The following CCDC91 variants were observed in gnomAD, a reference collection of about 807,000 sequenced individuals.
CCDC91 encodes coiled-coil domain-containing protein 91.
A neutral mutation model predicts 63.2 loss-of-function variants in CCDC91; 48 were observed. The ratio of observed to expected loss-of-function variants is 0.76; its 90% CI spans 0.60 to 0.97. CCDC91 has a LOEUF of 0.97. Ranked by LOEUF, CCDC91 falls within the 50% of genes least tolerant of loss-of-function variation. CCDC91 has a pLI of 0.00. For missense variants in CCDC91, 500 were observed against 494.6 expected (o/e 1.01, Z -0.10); for synonymous variants, 167 against 165.8 (o/e 1.01, Z -0.06).
chr12:28,383,898 ATGTGTGTATT>A lies in CCDC91; in HGVS notation c.655-7396_655-7387del, dbSNP rs1945445451. 2.0e-5 allele frequency among the ~76,000 whole-genome samples: 3 copies of A among 152,140 alleles called. No individual in the cohort carries two copies. The South Asian group carries it at 6.2e-4, about 31-fold the overall frequency. On this transcript the variant is annotated intron_variant, in intron 7 of 12. Coordinates refer to ENST00000536442, the MANE Select transcript of CCDC91 (RefSeq NM_018318.5). ...TGAAGCTCTTTTAAAATACATGGCTATGTGTGTATTTGTGTGTATGCATAATTAAATCAAG... is the reference window on the plus strand; with the variant it reads ...TGAAGCTCTTTTAAAATACATGGCTATGTGTGTATGCATAATTAAATCAAG...
intron 8 of CCDC91, among the ~76,000 whole-genome samples, chr12:28,396,666 G>A (rs1038982070): frequency 4.0e-5 from 6 of 151,120 alleles, no homozygotes; most frequent in Non-Finnish European, 3.0e-5. Context: ...GTGTGTGTGT[G>A]TGTGTGTGTG....
At chr12:28,208,984 T>C (rs553686184) in intron 1 of CCDC91, among the ~76,000 whole-genome samples, 1 of 151,940 alleles carries the variant, frequency 6.6e-6, no homozygotes, top group East Asian at 1.9e-4. Context: ...TTTTTTGTAT[T>C]TTTAGTAGAG....
chr12:28,536,721 C>CTT lies in CCDC91; in HGVS notation c.1216-12339_1216-12338dup, dbSNP rs1565540105. On this transcript the variant is annotated intron_variant, in intron 12 of 12. Coordinates refer to ENST00000536442, the MANE Select transcript of CCDC91 (RefSeq NM_018318.5). ...ATAAGAAGTTTACTTTCAGCATTAACTTTTAATGCTTTTATTATCATTGGG... is the reference window on the plus strand; with the variant it reads ...ATAAGAAGTTTACTTTCAGCATTAACTTTTTTAATGCTTTTATTATCATTGGG... Among the ~76,000 whole-genome samples the CTT allele has an allele frequency of 1.3e-4, 20 of 152,240 alleles. 2 individuals are homozygous for CTT. The South Asian group carries it at 3.9e-3, about 30-fold the overall frequency.
At chr12:28,358,589 T>C (rs1943669350) in intron 6 of CCDC91, among the ~76,000 whole-genome samples, 1 of 152,212 alleles carries the variant, frequency 6.6e-6, no homozygotes, top group African/African-American at 2.4e-5. Flanking sequence ...TTCCTCACTT[T>C]AATAAGTGCC....
Position 28,285,718 on chromosome 12 carries a change from C to A in CCDC91, c.110-19931C>A, listed in dbSNP as rs557378869. Reference sequence around the variant, plus strand: ...TTATTTAAGTTTCTATGGCTGATTTCCCAATCTTTCTGATTGATCTTATTA... The same window carrying A: ...TTATTTAAGTTTCTATGGCTGATTTACCAATCTTTCTGATTGATCTTATTA... On this transcript the variant is annotated intron_variant, in intron 3 of 12. Coordinates refer to ENST00000536442, the MANE Select transcript of CCDC91 (RefSeq NM_018318.5). Among the ~76,000 whole-genome samples the A allele has an allele frequency of 1.2e-3, 155 of 130,850 alleles. 2 individuals carry two copies. The highest frequency in any genetic ancestry group is 3.8e-3 in the African/African-American group (140 of 37,248). 85.8% of individuals were successfully genotyped at this position (130,850 alleles called of 152,430 possible). A position where few individuals can be genotyped will look rare whatever the true frequency, so the allele number is the denominator to read the frequency against.
chr12:28,543,949 C>T (rs1378557140), intron 12 of CCDC91, among the ~76,000 whole-genome samples: 1 of 151,968 alleles, frequency 6.6e-6, no homozygotes, highest in Non-Finnish European at 1.5e-5. Flanking sequence ...GTTCTTAAGC[C>T]ACCATTGCCA....
chr12:28,269,008 C>T (rs1450421811), intron 3 of CCDC91, among the ~76,000 whole-genome samples: 1 of 152,076 alleles, frequency 6.6e-6, no homozygotes. Context: ...GGTTGAGGGA[C>T]CCACAGGAAC....
At chr12:28,514,047 A>G (rs1406217278) in intron 12 of CCDC91, among the ~76,000 whole-genome samples, 3 of 151,984 alleles carry the variant, frequency 2.0e-5, no homozygotes, top group African/African-American at 7.2e-5. Flanking sequence ...ACTTCTTTCC[A>G]CAATGGTTGA....
intron 7 of CCDC91, among the ~76,000 whole-genome samples, chr12:28,381,871 C>T (rs960503974): frequency 1.3e-5 from 2 of 152,110 alleles, no homozygotes; most frequent in Non-Finnish European, 2.9e-5. Context: ...GAGGCTTCTT[C>T]TCAACTCACA....
intron 3 of CCDC91, among the ~76,000 whole-genome samples, chr12:28,292,803 C>G (rs982746704): frequency 2.6e-5 from 4 of 152,050 alleles, no homozygotes; most frequent in Non-Finnish European, 5.9e-5. Context: ...TTGGGTAGTA[C>G]CCAATGCTTC....
chr12:28,323,655 A>G (rs1354530857), intron 6 of CCDC91, among the ~76,000 whole-genome samples: 2 of 151,966 alleles, frequency 1.3e-5, no homozygotes, highest in African/African-American at 4.8e-5. Flanking sequence ...CGATTTTGAT[A>G]GAAATTTTGT....
At chr12:28,289,222 G>C (rs1949075060) in intron 3 of CCDC91, among the ~76,000 whole-genome samples, 2 of 151,740 alleles carry the variant, frequency 1.3e-5, no homozygotes, top group Non-Finnish European at 2.9e-5. Context: ...TCTTCTGCTA[G>C]CTTGGGGGTG....
At chr12:28,548,795 C>A (rs1943153581) in intron 12 of CCDC91, among the ~76,000 whole-genome samples, 1 of 152,012 alleles carries the variant, frequency 6.6e-6, no homozygotes, top group African/African-American at 2.4e-5. Flanking sequence ...TTTATGTTTT[C>A]TGAAATCATT....
intron 3 of CCDC91, among the ~76,000 whole-genome samples, chr12:28,304,189 C>T (rs755786944): frequency 6.6e-6 from 1 of 151,108 alleles, no homozygotes; most frequent in Non-Finnish European, 1.5e-5. Context: ...CTATCCTGGC[C>T]AACATGGTGA....
chr12:28,341,884 G>A (rs1352078254), intron 6 of CCDC91, among the ~76,000 whole-genome samples: 1 of 152,170 alleles, frequency 6.6e-6, no homozygotes, highest in Non-Finnish European at 1.5e-5. Context: ...TCAGGACTAA[G>A]AAAAGACTGT....
At position 28,454,685 on chromosome 12, in the gene CCDC91, G is replaced by A. The variant is rs1436508935; in HGVS notation, c.1101+2031G>A. On this transcript the variant is annotated intron_variant, in intron 11 of 12. Transcript: ENST00000536442. ...CGGCTCTGAGATAGGTAAGACAGAAGCGAGTAACCTGGGCAGTTTCTAGAA... is the reference window on the plus strand; with the variant it reads ...CGGCTCTGAGATAGGTAAGACAGAAACGAGTAACCTGGGCAGTTTCTAGAA... Among the ~76,000 whole-genome samples the A allele has an allele frequency of 3.3e-5, 5 of 152,116 alleles. No homozygotes were observed. In the East Asian group the frequency reaches 7.7e-4, roughly 23 times the overall value.
At chr12:28,350,825 C>T (rs567683247) in intron 6 of CCDC91, among the ~76,000 whole-genome samples, 1 of 152,268 alleles carries the variant, frequency 6.6e-6, no homozygotes, top group Admixed American at 6.5e-5. Context: ...GGCCCTCTTC[C>T]CTGTGTCTCA....
At chr12:28,427,756 GT>G (rs1948406061) in intron 8 of CCDC91, among the ~76,000 whole-genome samples, 1 of 152,106 alleles carries the variant, frequency 6.6e-6, no homozygotes, top group South Asian at 2.1e-4. Context: ...TCTTTAGTTT[GT>G]TCCGTTTTTT....
intron 1 of CCDC91, among the ~76,000 whole-genome samples, chr12:28,234,901 C>T (rs1944838078): frequency 6.6e-6 from 1 of 151,698 alleles, no homozygotes; most frequent in South Asian, 2.1e-4. Flanking sequence ...AACAAGCTAC[C>T]CCAAACTTAG....
Sources: gnomAD v4.1 joint callset for allele counts (sites outside exome capture counted in the v4.1 genomes callset) on GRCh38, gnomAD v4.1.1 for gene constraint, MANE v1.5 for transcripts, NCBI Gene and HGNC (gene_info 2026-07-23, HGNC 2026-07-21) for gene names.